The following NRXN3 variants were observed in gnomAD, a reference collection of about 807,000 sequenced individuals.
The protein encoded by NRXN3 is neurexin 3.
Under a neutral mutation model 137.6 loss-of-function variants are expected in NRXN3, and 32 were observed. That is an observed-to-expected ratio of 0.23 (90% CI 0.18 to 0.31). NRXN3 has a LOEUF of 0.31. Ranked by LOEUF, NRXN3 falls within the 10% of genes least tolerant of loss-of-function variation. The pLI is 1.00. For synonymous variants in NRXN3, 798 were observed against 784.5 expected (o/e 1.02, Z -0.29); for missense variants, 1,574 against 2,062.5 (o/e 0.76, Z 4.59).
At chr14:79,057,326 A>G (rs998247632) in intron 15 of NRXN3, among the ~76,000 whole-genome samples, 8 of 152,200 alleles carry the variant, frequency 5.3e-5, no homozygotes, top group Non-Finnish European at 8.8e-5. Context: ...ATAATTGTGG[A>G]TATGTTTCGA....
chr14:78,228,411 C>T (rs1220830512), intron 1 of NRXN3, among the ~76,000 whole-genome samples: 1 of 152,128 alleles, frequency 6.6e-6, no homozygotes, highest in Non-Finnish European at 1.5e-5. Flanking sequence ...CTGCTTTGGC[C>T]TCCCAAAGTG....
intron 15 of NRXN3, among the ~76,000 whole-genome samples, chr14:79,373,722 T>C (rs989066101): frequency 6.6e-6 from 1 of 152,202 alleles, no homozygotes; most frequent in Non-Finnish European, 1.5e-5. Context: ...TTAAATTATT[T>C]TTATATTGCT....
chr14:79,308,890 ATTTTT>A (rs563424253), intron 15 of NRXN3, among the ~76,000 whole-genome samples: 64 of 71,670 alleles, frequency 8.9e-4, no homozygotes, highest in African/African-American at 2.8e-3. Context: ...ATTTTATTTT[ATTTTT>A]TTTTATTTTA....
intron 6 of NRXN3, among the ~76,000 whole-genome samples, chr14:78,674,591 A>T (rs2152724864): frequency 6.6e-6 from 1 of 152,254 alleles, no homozygotes; most frequent in South Asian, 2.1e-4. Flanking sequence ...GCTGGGGCAA[A>T]AGAAGTTGTG....
intron 17 of NRXN3, among the ~76,000 whole-genome samples, chr14:79,666,662 A>G (rs2098558397): frequency 1.3e-5 from 2 of 152,042 alleles, no homozygotes; most frequent in African/African-American, 4.8e-5. Context: ...TGAAAAATGC[A>G]TAGCTAGAAA....
intron 15 of NRXN3, among the ~76,000 whole-genome samples, chr14:79,036,159 A>G (rs945905469): frequency 1.6e-4 from 25 of 152,050 alleles, no homozygotes; most frequent in African/African-American, 5.6e-4. Flanking sequence ...ATAATTCTGT[A>G]ATTATTCAGA....
intron 4 of NRXN3, among the ~76,000 whole-genome samples, chr14:78,498,252 G>A (rs2095821281): frequency 6.6e-6 from 1 of 152,198 alleles, no homozygotes; most frequent in Non-Finnish European, 1.5e-5. Context: ...ACAGGGAGCA[G>A]AGAAAGAACA....
intron 1 of NRXN3, among the ~76,000 whole-genome samples, chr14:78,189,317 G>A (rs1428549527): frequency 6.6e-6 from 1 of 152,186 alleles, no homozygotes; most frequent in African/African-American, 2.4e-5. Flanking sequence ...AGGCTGGAGT[G>A]ATCCTTTAAT....
chr14:78,175,541 C>T (rs909745829), intron 1 of NRXN3, among the ~76,000 whole-genome samples: 10 of 152,124 alleles, frequency 6.6e-5, no homozygotes, highest in Non-Finnish European at 1.0e-4. Context: ...TGCTGTGGTC[C>T]GGTTCCTGCT....
intron 16 of NRXN3, among the ~76,000 whole-genome samples, chr14:79,573,306 A>T (rs559306294): frequency 6.6e-6 from 1 of 152,268 alleles, no homozygotes; most frequent in East Asian, 1.9e-4. Context: ...GATGTAAAAG[A>T]AGGTGTAGGG....
chr14:79,201,651 C>T (rs1340222799), intron 15 of NRXN3: 1 of 152,116 alleles, frequency 6.6e-6, no homozygotes, highest in Non-Finnish European at 1.5e-5. Flanking sequence ...AATTCATCAA[C>T]CAGTATTTGT....
At chr14:79,009,569 T>C (rs568443282) in intron 15 of NRXN3, among the ~76,000 whole-genome samples, 1 of 152,290 alleles carries the variant, frequency 6.6e-6, no homozygotes, top group African/African-American at 2.4e-5. Flanking sequence ...TTTTCCAGAA[T>C]ATACAGAGCA....
intron 20 of NRXN3, among the ~76,000 whole-genome samples, chr14:79,843,493 G>T (rs574744627): frequency 6.6e-6 from 1 of 152,114 alleles, no homozygotes; most frequent in Non-Finnish European, 1.5e-5. Flanking sequence ...GATGTTTGCT[G>T]CACTGACTGA....
At chr14:79,332,706 T>C (rs560756198) in intron 15 of NRXN3, among the ~76,000 whole-genome samples, 5 of 152,294 alleles carry the variant, frequency 3.3e-5, no homozygotes, top group Admixed American at 6.5e-5. Context: ...TCTTGTTTTC[T>C]AGGCTGCATC....
chr14:79,016,205 C>T (rs2099578971), intron 15 of NRXN3, among the ~76,000 whole-genome samples: 1 of 152,104 alleles, frequency 6.6e-6, no homozygotes, highest in Non-Finnish European at 1.5e-5. Context: ...ACACCTGGGA[C>T]CTCTAAGTCC....
At chr14:78,958,714 G>GAAGCAGAA in intron 11 of NRXN3, among the ~76,000 whole-genome samples, 1 of 152,294 alleles carries the variant, frequency 6.6e-6, no homozygotes, top group South Asian at 2.1e-4. Context: ...ACACATCTAT[G>GAAGCAGAA]AAGCAGAATT....
At chr14:78,498,468 G>C (rs142323820) in intron 4 of NRXN3, among the ~76,000 whole-genome samples, 46 of 152,254 alleles carry the variant, frequency 3.0e-4, no homozygotes, top group Middle Eastern at 3.4e-3. Context: ...ATGCCTTTCT[G>C]TGTATTCCAG....
chr14:78,349,075 G>A (rs1332320437), intron 4 of NRXN3, among the ~76,000 whole-genome samples: 1 of 152,206 alleles, frequency 6.6e-6, no homozygotes, highest in East Asian at 1.9e-4. Context: ...TGCCTGGAAT[G>A]AGCATTTACC....
intron 10 of NRXN3, among the ~76,000 whole-genome samples, chr14:78,929,951 A>C (rs960075278): frequency 6.6e-6 from 1 of 152,198 alleles, no homozygotes; most frequent in African/African-American, 2.4e-5. Flanking sequence ...AGTACCTGTC[A>C]AGTGCTTCTA....
Sources: gnomAD v4.1 joint callset for allele counts (sites outside exome capture counted in the v4.1 genomes callset) on GRCh38, gnomAD v4.1.1 for gene constraint, MANE v1.5 for transcripts, NCBI Gene and HGNC (gene_info 2026-07-23, HGNC 2026-07-21) for gene names.